The following ATP8B1 variants were observed in gnomAD, a reference collection of about 807,000 sequenced individuals.
ATP8B1 encodes phospholipid-transporting ATPase IC.
ATP8B1 carries 80 observed loss-of-function variants against 149.9 expected under a neutral mutation model. That is an observed-to-expected ratio of 0.53 (90% confidence interval 0.45 to 0.64). The LOEUF (loss-of-function observed/expected upper bound fraction) is 0.64. ATP8B1 is among the 30% of genes least tolerant of loss of function. The pLI is 0.00. For synonymous variants in ATP8B1, 536 were observed against 562.8 expected, an observed-to-expected ratio of 0.95 and a Z score of 0.67; for missense variants, 1,247 against 1,552.6, an observed-to-expected ratio of 0.80 and a Z score of 3.31.
intron 2 of ATP8B1, among the ~76,000 whole-genome samples, chr18:57,723,028 G>T (rs1231202259): frequency 6.6e-6 from 1 of 150,772 alleles, no homozygotes; most frequent in Admixed American, 6.6e-5. Context: ...TGCAGAAAAA[G>T]CCTTTGACAA....
At chr18:57,705,447 A>T (rs1913343253) in intron 3 of ATP8B1, among the ~76,000 whole-genome samples, 1 of 152,194 alleles carries the variant, frequency 6.6e-6, no homozygotes, top group South Asian at 2.1e-4. Flanking sequence ...TGGAAATAGG[A>T]TCTTCGCAGA....
chr18:57,728,579 G>A (rs12456346), intron 2 of ATP8B1, among the ~76,000 whole-genome samples: 90,369 of 151,802 alleles, frequency 0.6, 27,056 homozygotes, highest in African/African-American at 0.62. Flanking sequence ...TGGGAAGGGC[G>A]CAGAGAGGTA....
rs1913107474 is a variant in ATP8B1 at position 57,701,275 on chromosome 18, T to A, written c.432A>T (p.Thr144=). Residue 144 remains threonine, a synonymous_variant, in exon 5 of 28, where the codon ACA becomes ACT. Coordinates refer to ENST00000648908, the MANE Select transcript of ATP8B1 (RefSeq NM_001374385.1). ...PQISTLAWYT[T]LVPLLVVLGV... The stretch of plus-strand genomic sequence containing the variant: ...CCAGCACCACAAGCAGGGGCACTAG[T>A]GTGGTGTACCAAGCCAGGGTAGAGA... 6.2e-7 allele frequency: 1 copy of A among 1,614,050 alleles called. No individual in the cohort carries two copies. Among genetic ancestry groups the A allele is most frequent in the African/African-American group, 1.3e-5 (1 of 74,946 alleles).
intron 2 of ATP8B1, among the ~76,000 whole-genome samples, chr18:57,731,237 T>C (rs2123131376): frequency 6.6e-6 from 1 of 151,168 alleles, no homozygotes; most frequent in African/African-American, 2.4e-5. Flanking sequence ...GTCCAGGAGG[T>C]CAAGGCTGCA....
At chr18:57,688,255 G>A in intron 13 of ATP8B1, 44 bp downstream of exon 13, 1 of 1,585,592 alleles carries the variant, frequency 6.3e-7, no homozygotes, top group South Asian at 1.1e-5. Context: ...GCACACGGCA[G>A]GCAGCCCCAC....
intron 1 of ATP8B1, among the ~76,000 whole-genome samples, chr18:57,775,458 G>C (rs2080298853): frequency 6.6e-6 from 1 of 151,536 alleles, no homozygotes; most frequent in South Asian, 2.1e-4. Flanking sequence ...AGGGAGGAAG[G>C]GAGAAGGGAG....
chr18:57,704,146 T>G (rs1440380983), intron 4 of ATP8B1, among the ~76,000 whole-genome samples: 4 of 152,138 alleles, frequency 2.6e-5, no homozygotes, highest in African/African-American at 9.7e-5. Flanking sequence ...TTTTGTATTT[T>G]TAGTAGAAAC....
intron 1 of ATP8B1, among the ~76,000 whole-genome samples, chr18:57,773,753 G>T (rs2080284071): frequency 6.6e-6 from 1 of 152,076 alleles, no homozygotes; most frequent in Non-Finnish European, 1.5e-5. Flanking sequence ...CTAGAGTCAT[G>T]CTGGAGTCTC....
At chr18:57,760,603 T>TATGA (rs2080139727) in intron 1 of ATP8B1, among the ~76,000 whole-genome samples, 1 of 152,238 alleles carries the variant, frequency 6.6e-6, no homozygotes, top group African/African-American at 2.4e-5. Flanking sequence ...CCTCTTCTCA[T>TATGA]CTTCATGAAG....
chr18:57,775,968 A>G (rs1257009122), intron 1 of ATP8B1, among the ~76,000 whole-genome samples: 1 of 152,078 alleles, frequency 6.6e-6, no homozygotes, highest in East Asian at 1.9e-4. Context: ...AAATCTATCC[A>G]TTCATGTGCT....
intron 19 of ATP8B1, chr18:57,668,048 C>A (rs1439632595): frequency 1.6e-6 from 2 of 1,245,846 alleles, no homozygotes; most frequent in Non-Finnish European, 1.0e-6. Flanking sequence ...GCAAGAAAAC[C>A]AAAGTTATTG....
chr18:57,757,614 T>C (rs1489737988), intron 1 of ATP8B1, among the ~76,000 whole-genome samples: 3 of 152,222 alleles, frequency 2.0e-5, no homozygotes, highest in African/African-American at 4.8e-5. Flanking sequence ...CTGATTCCAA[T>C]TGATTCCCAC....
chr18:57,756,810 C>A (rs2080090032), intron 1 of ATP8B1, among the ~76,000 whole-genome samples: 1 of 152,218 alleles, frequency 6.6e-6, no homozygotes, highest in African/African-American at 2.4e-5. Context: ...CACGTGAGGT[C>A]TCTGCCCCTT....
At chr18:57,666,135 A>G (rs1044318771) in intron 20 of ATP8B1, among the ~76,000 whole-genome samples, 18 of 152,218 alleles carry the variant, frequency 1.2e-4, no homozygotes, top group Non-Finnish European at 2.6e-4. Flanking sequence ...GCCTGAGAGA[A>G]GCTCTGTAGG....
chr18:57,661,379 C>T lies in ATP8B1; in HGVS notation c.2502G>A (p.Met834Ile). Residue 834 changes from methionine (M) to isoleucine (I), a missense_variant, in exon 22 of 28, where the codon ATG becomes ATA. Transcript: ENST00000648908. ...CTAGCCTCCTTTTACTTTGGGTCCGCATCCGTCTTTCTTCTTCTGTTCTTG... is the reference window on the plus strand; with the variant it reads ...CTAGCCTCCTTTTACTTTGGGTCCGTATCCGTCTTTCTTCTTCTGTTCTTG... ...KFPRTEEERR[M>I]RTQSKRRLEA... 6.2e-7 allele frequency: 1 copy of T among 1,613,954 alleles called. No homozygotes were observed. The highest frequency in any genetic ancestry group is 8.5e-7 in the Non-Finnish European group (1 of 1,180,024).
chr18:57,669,041 TA>T (rs1301956021), intron 18 of ATP8B1: 2 of 261,700 alleles, frequency 7.6e-6, no homozygotes, highest in Non-Finnish European at 1.4e-5. Context: ...TGTTATTGTT[TA>T]AAAATTATAA....
At chr18:57,732,121 ATATATGTG>A (rs1172340370) in intron 1 of ATP8B1, 271 of 17,936 alleles carry the variant, frequency 0.015, 110 homozygotes, top group South Asian at 0.046. Flanking sequence ...ATATATGTAT[ATATATGTG>A]TATATGTATA....
intron 22 of ATP8B1, among the ~76,000 whole-genome samples, chr18:57,660,146 G>C (rs1910298620): frequency 6.6e-6 from 1 of 152,312 alleles, no homozygotes; most frequent in East Asian, 1.9e-4. Flanking sequence ...AAAAGGAACA[G>C]AATTCAGACA....
At position 57,704,642 on chromosome 18, in the gene ATP8B1, G is replaced by C; in HGVS notation, c.306C>G (p.Tyr102Ter). 1 of 1,607,510 alleles carries C rather than the reference G, an allele frequency of 6.2e-7. No individual in the cohort carries two copies. The highest frequency in any genetic ancestry group is 8.5e-7 in the Non-Finnish European group (1 of 1,174,056). Residue 102 changes from tyrosine (Y) to a stop codon, truncating the protein, a stop_gained, in exon 4 of 28, where the codon TAC becomes TAG. Coordinates refer to ENST00000648908, the MANE Select transcript of ATP8B1 (RefSeq NM_001374385.1). LOFTEE classifies it high-confidence loss of function. ...TCATTGGTATAAAGGTAAATGCGTT[G>C]TACTTGTATGTTTTAATTGCATTAT... ...YANNAIKTYK[Y>*]NAFTFIPMNL...
Sources: gnomAD v4.1 joint callset for allele counts (sites outside exome capture counted in the v4.1 genomes callset) on GRCh38, gnomAD v4.1.1 for gene constraint, MANE v1.5 for transcripts, NCBI Gene and HGNC (gene_info 2026-07-23, HGNC 2026-07-21) for gene names.